The following SLC13A3 variants were observed in gnomAD, a reference collection of about 807,000 sequenced individuals.
SLC13A3 encodes solute carrier family 13 member 3.
Under a neutral mutation model 59.0 loss-of-function variants are expected in SLC13A3, and 40 were observed. The ratio of observed to expected loss-of-function variants is 0.68; its 90% confidence interval spans 0.53 to 0.88. SLC13A3 has a LOEUF of 0.88. Ranked by LOEUF, SLC13A3 falls within the 40% of genes least tolerant of loss-of-function variation. The probability of loss-of-function intolerance (pLI) is 0.00; values close to 1 mark genes in which losing one functional copy is unlikely to be tolerated. For missense variants in SLC13A3, 699 were observed against 783.2 expected (o/e 0.89, Z 1.28); for synonymous variants, 317 against 330.3 (o/e 0.96, Z 0.44).
intron 1 of SLC13A3, among the ~76,000 whole-genome samples, chr20:46,668,553 T>C (rs2122926849): frequency 6.6e-6 from 1 of 152,324 alleles, no homozygotes; most frequent in African/African-American, 2.4e-5. Flanking sequence ...AAAGAAGCCA[T>C]CTGCATAACA....
upstream of SLC13A3, among the ~76,000 whole-genome samples, chr20:46,671,298 T>G (rs2063090091): frequency 6.6e-6 from 1 of 152,174 alleles, no homozygotes; most frequent in South Asian, 2.1e-4. Context: ...TTCAGAGCAC[T>G]CATGCAATTG....
At chr20:46,626,343 C>T (rs1263396667) in intron 1 of SLC13A3, among the ~76,000 whole-genome samples, 1 of 151,580 alleles carries the variant, frequency 6.6e-6, no homozygotes, top group Non-Finnish European at 1.5e-5. Context: ...CTCCCTTTCT[C>T]TCCCTCCCTC....
rs199652057 is a variant in SLC13A3 at position 46,626,297 on chromosome 20, T to C, written c.112-12572A>G. Among the ~76,000 whole-genome samples, 107 of 147,598 alleles carry C rather than the reference T, an allele frequency of 7.2e-4. 2 individuals carry two copies. The East Asian group carries it at 0.02, about 28-fold the overall frequency. ...CTCCCTCCTCCTCCCTTTCTCTCTC[T>C]CCTCCTCCCTCTCTCTTCTTCCTCT... is the stretch of plus-strand genomic sequence containing the variant. On this transcript the variant is annotated intron_variant, in intron 1 of 12. Coordinates refer to ENST00000279027, the MANE Select transcript of SLC13A3 (RefSeq NM_022829.6).
intron 5 of SLC13A3, 95 bp downstream of exon 5, chr20:46,596,062 A>C: frequency 8.6e-7 from 1 of 1,156,966 alleles, no homozygotes; most frequent in Non-Finnish European, 1.2e-6. Context: ...GGCCCAGAGA[A>C]GGCCCTCAAT....
intron 10 of SLC13A3, among the ~76,000 whole-genome samples, chr20:46,571,296 G>T (rs756661382): frequency 9.8e-5 from 15 of 152,310 alleles, no homozygotes; most frequent in Middle Eastern, 3.4e-3. Flanking sequence ...ACTTCTGGCA[G>T]AAAATGAGGA....
At chr20:46,656,209 TAA>T (rs1489255280), upstream of SLC13A3, among the ~76,000 whole-genome samples, 1 of 143,578 alleles carries the variant, frequency 7.0e-6, no homozygotes, top group Non-Finnish European at 1.5e-5. Context: ...ACAGTATATA[TAA>T]TACTGTATGT....
At chr20:46,580,300 A>G (rs1051922644) in intron 9 of SLC13A3, among the ~76,000 whole-genome samples, 4 of 152,016 alleles carry the variant, frequency 2.6e-5, no homozygotes, top group Admixed American at 6.6e-5. Context: ...CCCTTTGTAT[A>G]ATAAGGAAAC....
chr20:46,627,040 T>C (rs1415595082), intron 1 of SLC13A3, among the ~76,000 whole-genome samples: 1 of 152,238 alleles, frequency 6.6e-6, no homozygotes, highest in African/African-American at 2.4e-5. Flanking sequence ...GAGCCACTTA[T>C]CACTAGCTGA....
At position 46,661,208 on chromosome 20, in the gene SLC13A3, A is replaced by C. The variant is rs78702538; in HGVS notation, c.-31+8835T>G. On this transcript the variant is annotated intron_variant, in intron 1 of 12. Coordinates refer to the SLC13A3 transcript ENST00000290317. The stretch of plus-strand genomic sequence containing the variant: ...ACGCATTGTTGACATTTTTGTAAGA[A>C]AGAACAGTAGAGAATGAAGTAAATA... Among the ~76,000 whole-genome samples the C allele has an allele frequency of 2.6e-3, 391 of 152,346 alleles. 1 individual carries two copies. The highest frequency in any genetic ancestry group is 9.1e-3 in the African/African-American group (378 of 41,584).
chr20:46,597,799 T>A (rs1177860528), intron 4 of SLC13A3, among the ~76,000 whole-genome samples: 2 of 152,244 alleles, frequency 1.3e-5, no homozygotes, highest in Admixed American at 1.3e-4. Context: ...TTAACTGTTA[T>A]AATCTACCTC....
Position 46,612,335 on chromosome 20 carries a change from T to C in SLC13A3, c.377+1125A>G, listed in dbSNP as rs577291127. On this transcript the variant is annotated intron_variant, in intron 2 of 12. Transcript: ENST00000279027. ...TTTGGTAGAGACAGGGGTTTTACCA[T>C]GTTAGCCAGGCTGGTCTTGAACTCC... 2.0e-5 allele frequency among the ~76,000 whole-genome samples: 3 copies of C among 152,198 alleles called. No individual in the cohort carries two copies. The South Asian group carries it at 6.2e-4, about 32-fold the overall frequency.
At chr20:46,607,252 A>C (rs2062445169) in intron 3 of SLC13A3, among the ~76,000 whole-genome samples, 1 of 152,354 alleles carries the variant, frequency 6.6e-6, no homozygotes, top group East Asian at 1.9e-4. Flanking sequence ...GGTTACTCAG[A>C]AAATGGGAGC....
intron 1 of SLC13A3, among the ~76,000 whole-genome samples, chr20:46,684,007 T>C (rs1168984180): frequency 6.6e-6 from 1 of 152,146 alleles, no homozygotes; most frequent in Non-Finnish European, 1.5e-5. Flanking sequence ...CTGAGTCCCA[T>C]TAAGAACAAA....
intron 8 of SLC13A3, chr20:46,584,502 C>T: frequency 2.0e-6 from 2 of 985,358 alleles, no homozygotes; most frequent in Non-Finnish European, 2.4e-6. Context: ...AAGCTCTTTC[C>T]ACTCACACAT....
rs1392401355 is a variant in SLC13A3, at chr20:46,639,017, TC to T, written c.111+12293del. 3.3e-5 allele frequency among the ~76,000 whole-genome samples: 5 copies of T among 152,332 alleles called. 1 individual carries two copies. The East Asian group carries it at 5.8e-4, about 18-fold the overall frequency. ...GGCCTGCGACACAGTAGGTGCTTTGTCCCTGAAGGTAGCCAATGTTTTTTTA... is the reference window on the plus strand; with the variant it reads ...GGCCTGCGACACAGTAGGTGCTTTGTCCTGAAGGTAGCCAATGTTTTTTTA... On this transcript the variant is annotated intron_variant, in intron 1 of 12. Coordinates refer to ENST00000279027, the MANE Select transcript of SLC13A3 (RefSeq NM_022829.6).
intron 12 of SLC13A3, among the ~76,000 whole-genome samples, chr20:46,560,715 C>T (rs531103069): frequency 6.6e-6 from 1 of 152,264 alleles, no homozygotes; most frequent in East Asian, 1.9e-4. Context: ...CCAGTCCAGT[C>T]AGGTAGTCCT....
At chr20:46,638,630 C>T (rs188947533) in intron 1 of SLC13A3, among the ~76,000 whole-genome samples, 20 of 152,340 alleles carry the variant, frequency 1.3e-4, no homozygotes, top group African/African-American at 4.3e-4. Context: ...CTGCCAGGCC[C>T]TCTGCCTCCA....
At chr20:46,583,501 GC>G in intron 9 of SLC13A3, 70 bp downstream of exon 9, 1 of 1,581,186 alleles carries the variant, frequency 6.3e-7, no homozygotes, top group South Asian at 1.1e-5. Context: ...GGGGCTCCAG[GC>G]CCTTGATGAC....
chr20:46,584,584 CA>C (rs1488327223), intron 8 of SLC13A3: 2 of 722,276 alleles, frequency 2.8e-6, no homozygotes, highest in African/African-American at 1.9e-5. Flanking sequence ...CAGAGAAATG[CA>C]GATCAAAACA....
Sources: allele counts gnomAD v4.1 joint callset (sites outside exome capture counted in the v4.1 genomes callset), GRCh38; gene constraint gnomAD v4.1.1; transcripts MANE v1.5; gene names NCBI Gene and HGNC (gene_info 2026-07-23, HGNC 2026-07-21).